The following GPC6 variants were observed in gnomAD, a reference collection of about 807,000 sequenced individuals.
The protein encoded by GPC6 is glypican 6, also known as glypican-6.
GPC6 carries 14 observed loss-of-function variants against 55.2 expected under a neutral mutation model. The observed-to-expected ratio is 0.25, with a 90% confidence interval of 0.17 to 0.40. The LOEUF is 0.40. Among genes scored for constraint, GPC6 ranks in the 10% least tolerant of loss-of-function variants. The probability of loss-of-function intolerance (pLI) is 1.00; values close to 1 mark genes in which losing one functional copy is unlikely to be tolerated. For missense variants in GPC6, 641 were observed against 708.5 expected, an observed-to-expected ratio of 0.90 and a Z score of 1.08; for synonymous variants, 278 against 259.6, an observed-to-expected ratio of 1.07 and a Z score of -0.68.
At chr13:93,547,202 T>C (rs1314960842) in intron 2 of GPC6, among the ~76,000 whole-genome samples, 13 of 146,792 alleles carry the variant, frequency 8.9e-5, no homozygotes, top group African/African-American at 5.0e-5. Context: ...AAAAATTAGC[T>C]GGGCGTGGTG....
chr13:93,824,283 A>G (rs565231986), intron 2 of GPC6, among the ~76,000 whole-genome samples: 94 of 152,354 alleles, frequency 6.2e-4, no homozygotes, highest in African/African-American at 2.2e-3. Flanking sequence ...CAAAGCCTCA[A>G]TGTGAGTTTA....
intron 3 of GPC6, among the ~76,000 whole-genome samples, chr13:93,854,296 G>C (rs993357818): frequency 6.6e-6 from 1 of 151,532 alleles, no homozygotes; most frequent in African/African-American, 2.4e-5. Flanking sequence ...CTCTGAATCC[G>C]TATTTATTGA....
At chr13:93,700,454 A>G (rs2138793728) in intron 2 of GPC6, among the ~76,000 whole-genome samples, 1 of 152,172 alleles carries the variant, frequency 6.6e-6, no homozygotes. Context: ...AGAAGCACTA[A>G]CCCTGACCAA....
intron 3 of GPC6, among the ~76,000 whole-genome samples, chr13:93,849,927 CTAA>C (rs10565318): frequency 0.043 from 6,589 of 152,076 alleles, 339 homozygotes; most frequent in East Asian, 0.17. Flanking sequence ...GGAGAAGCAA[CTAA>C]TAATCTCTTT....
At chr13:93,649,993 A>G (rs1021973577) in intron 2 of GPC6, among the ~76,000 whole-genome samples, 2 of 152,216 alleles carry the variant, frequency 1.3e-5, no homozygotes, top group Non-Finnish European at 2.9e-5. Flanking sequence ...CTTCAGGAGT[A>G]GATTTGTGAT....
chr13:93,711,216 T>A (rs925156549), intron 2 of GPC6, among the ~76,000 whole-genome samples: 1 of 151,826 alleles, frequency 6.6e-6, no homozygotes, highest in African/African-American at 2.4e-5. Flanking sequence ...CTTGTGTAGC[T>A]GTTTCTGAGT....
intron 5 of GPC6, among the ~76,000 whole-genome samples, chr13:94,301,058 C>T (rs924164852): frequency 5.9e-5 from 9 of 152,086 alleles, no homozygotes; most frequent in African/African-American, 2.2e-4. Context: ...CATGAGGAAA[C>T]CATGGTCAAA....
At chr13:93,564,839 C>T (rs760034025) in intron 2 of GPC6, among the ~76,000 whole-genome samples, 42 of 152,136 alleles carry the variant, frequency 2.8e-4, no homozygotes, top group Non-Finnish European at 5.7e-4. Context: ...GAATTGCCCA[C>T]TCCTCACCCC....
chr13:93,894,834 T>A lies in GPC6; in HGVS notation c.711+64289T>A, dbSNP rs576554788. 5.7e-4 allele frequency among the ~76,000 whole-genome samples: 86 copies of A among 152,148 alleles called. 1 individual carries two copies. Among genetic ancestry groups the A allele is most frequent in the African/African-American group, 2.0e-3 (81 of 41,530 alleles). ...AAAAATTCAAATTGAGCCTCTGTGT[T>A]TTTTTTAACAACTAGTATGTAAAAT... On this transcript the variant is annotated intron_variant, in intron 3 of 8. Coordinates refer to ENST00000377047, the MANE Select transcript of GPC6 (RefSeq NM_005708.5).
intron 1 of GPC6, among the ~76,000 whole-genome samples, chr13:93,513,505 G>T (rs2590517): frequency 0.11 from 16,367 of 152,130 alleles, 1,346 homozygotes; most frequent in East Asian, 0.48. Flanking sequence ...TTTGTGTCTG[G>T]TAATTAGTAA....
chr13:93,877,844 A>G (rs1008469968), intron 3 of GPC6, among the ~76,000 whole-genome samples: 3 of 152,078 alleles, frequency 2.0e-5, no homozygotes, highest in Non-Finnish European at 4.4e-5. Context: ...CGTTGATTAC[A>G]TTGGTGGAGA....
At chr13:93,817,737 T>C (rs1037310115) in intron 2 of GPC6, among the ~76,000 whole-genome samples, 4 of 151,812 alleles carry the variant, frequency 2.6e-5, no homozygotes, top group Non-Finnish European at 4.4e-5. Flanking sequence ...CGTGCACCTG[T>C]AGTCCCAGCT....
intron 7 of GPC6, among the ~76,000 whole-genome samples, chr13:94,388,144 C>T (rs1182682293): frequency 2.0e-5 from 3 of 152,206 alleles, no homozygotes; most frequent in African/African-American, 7.2e-5. Context: ...CTGAAATTCA[C>T]ATTTAATTGG....
intron 3 of GPC6, among the ~76,000 whole-genome samples, chr13:93,912,156 T>C (rs924858984): frequency 1.3e-5 from 2 of 152,168 alleles, no homozygotes; most frequent in African/African-American, 4.8e-5. Flanking sequence ...AATATATGGG[T>C]ATATGAAAAT....
chr13:93,538,127 T>C (rs1419119356), intron 1 of GPC6, among the ~76,000 whole-genome samples: 1 of 152,142 alleles, frequency 6.6e-6, no homozygotes. Flanking sequence ...TACAAGCCCT[T>C]TCTGGGTTTA....
At chr13:93,263,355 G>T (rs1367043032) in intron 1 of GPC6, among the ~76,000 whole-genome samples, 1 of 151,530 alleles carries the variant, frequency 6.6e-6, no homozygotes, top group Non-Finnish European at 1.5e-5. Flanking sequence ...TTTGTTTTTT[G>T]TTTTTTTGTT....
intron 4 of GPC6, among the ~76,000 whole-genome samples, chr13:94,032,607 A>G (rs1402756510): frequency 6.6e-6 from 1 of 152,100 alleles, no homozygotes; most frequent in African/African-American, 2.4e-5. Flanking sequence ...GCCCACTACT[A>G]CTGTCTTGAA....
intron 1 of GPC6, among the ~76,000 whole-genome samples, chr13:93,418,660 G>T (rs563266641): frequency 1.4e-5 from 2 of 147,448 alleles, no homozygotes; most frequent in Non-Finnish European, 3.0e-5. Flanking sequence ...TATTAATAGC[G>T]CTATACCGTA....
rs148558573 is a variant in GPC6, at chr13:93,949,276, T to G, written c.712-78453T>G. ...ACAATTTAGATAATGAAGCAATTTA[T>G]GACTATCCACTTATGTTCTGCTTTG... On this transcript the variant is annotated intron_variant, in intron 3 of 8. Coordinates refer to ENST00000377047, the MANE Select transcript of GPC6 (RefSeq NM_005708.5). 2.0e-3 allele frequency among the ~76,000 whole-genome samples: 305 copies of G among 152,382 alleles called. 1 individual carries two copies. Among genetic ancestry groups the G allele is most frequent in the Non-Finnish European group, 3.6e-3 (245 of 68,040 alleles).
Sources: gnomAD v4.1 joint callset for allele counts (sites outside exome capture counted in the v4.1 genomes callset) on GRCh38, gnomAD v4.1.1 for gene constraint, MANE v1.5 for transcripts, NCBI Gene and HGNC (gene_info 2026-07-23, HGNC 2026-07-21) for gene names.